VPS13C: variants seen among roughly 807,000 people sequenced by gnomAD.
VPS13C encodes the protein vacuolar protein sorting 13 homolog C.
Under a neutral mutation model 456.8 loss-of-function variants are expected in VPS13C, and 358 were observed. The ratio of observed to expected loss-of-function variants is 0.78; its 90% CI spans 0.72 to 0.86. VPS13C has a LOEUF of 0.86. Among genes scored for constraint, VPS13C ranks in the 40% least tolerant of loss-of-function variants. VPS13C has a pLI of 0.00. For synonymous variants in VPS13C, 1,578 were observed against 1,486.7 expected (o/e 1.06, Z -1.41); for missense variants, 4,818 against 4,385.4 (o/e 1.10, Z -2.79).
At chr15:62,013,216 C>T (rs920675209) in intron 10 of VPS13C, 97 bp from the exon 11 acceptor site, 7 of 743,620 alleles carry the variant, frequency 9.4e-6, no homozygotes, top group Middle Eastern at 3.3e-4. Flanking sequence ...CCAAAATTAC[C>T]CAAATGCCAT....
rs183456855 is a variant in VPS13C at position 62,041,149 on chromosome 15, G to A, written c.187+175C>T. Reference sequence around the variant, plus strand: ...CTACCTTTTGTCATAAAAAAAAGAAGTATGTACGTTTTATATATAATATAC... The same window carrying A: ...CTACCTTTTGTCATAAAAAAAAGAAATATGTACGTTTTATATATAATATAC... On this transcript the variant is annotated intron_variant, in intron 3 of 84. Transcript: ENST00000644861. 2.8e-3 allele frequency among the ~76,000 whole-genome samples: 426 copies of A among 152,198 alleles called. 1 individual carries two copies. Among genetic ancestry groups the A allele is most frequent in the Middle Eastern group, 0.01 (3 of 292 alleles).
rs200914868 is a variant in VPS13C at position 62,000,685 on chromosome 15, T to G, written c.1291-59A>C. On this transcript the variant is annotated intron_variant, in intron 15 of 84. Coordinates refer to ENST00000644861, the MANE Select transcript of VPS13C (RefSeq NM_020821.3). ...TTTAATCATTAGATAAAAGAAATTTTTCTTTCATGATTTCTAGGCATATCT... is the reference window on the plus strand; with the variant it reads ...TTTAATCATTAGATAAAAGAAATTTGTCTTTCATGATTTCTAGGCATATCT... The G allele has an allele frequency of 1.1e-4, 158 of 1,461,268 alleles. 2 individuals carry two copies. The East Asian group carries it at 3.8e-3, about 35-fold the overall frequency. 90.5% of individuals were successfully genotyped at this position (1,461,268 alleles called of 1,614,324 possible). A position where few individuals can be genotyped will look rare whatever the true frequency, so the allele number is the denominator to read the frequency against.
rs2045886460 is a variant in VPS13C, at chr15:61,981,497, A to G, written c.2030-19T>C. ...GTAAGTCCTAAAGACGTAAGAAATA[A>G]TGACAGATTAGATGGTCAAGTTGAA... On this transcript the variant is annotated intron_variant, in intron 21 of 84. Coordinates refer to ENST00000644861, the MANE Select transcript of VPS13C (RefSeq NM_020821.3). 1.3e-6 allele frequency: 2 copies of G among 1,563,280 alleles called. No homozygotes were observed. Among genetic ancestry groups the G allele is most frequent in the African/African-American group, 1.4e-5 (1 of 71,868 alleles).
intron 16 of VPS13C, among the ~76,000 whole-genome samples, chr15:61,996,160 G>A (rs1277575568): frequency 6.6e-6 from 1 of 152,172 alleles, no homozygotes; most frequent in African/African-American, 2.4e-5. Context: ...CTTCACATAT[G>A]TGAAACTAAC....
intron 66 of VPS13C, among the ~76,000 whole-genome samples, chr15:61,901,794 T>C (rs1288290441): frequency 1.3e-5 from 2 of 152,062 alleles, no homozygotes; most frequent in African/African-American, 4.8e-5. Flanking sequence ...ATCATGCTGC[T>C]ATAAAGACAC....
At chr15:61,869,768 T>A in intron 79 of VPS13C, 145 bp from the exon 80 acceptor site, 1 of 1,383,518 alleles carries the variant, frequency 7.2e-7, no homozygotes, top group Non-Finnish European at 9.7e-7. Context: ...AATGTAATCC[T>A]AATGTGATAA....
chr15:61,864,284 C>A, intron 81 of VPS13C: 8 of 826,044 alleles, frequency 9.7e-6, no homozygotes, highest in Non-Finnish European at 1.2e-5. Flanking sequence ...CAAATATGAG[C>A]ATAAAATAAT....
rs1390979217 is a variant in VPS13C, at chr15:61,929,665, A to G, written c.6122T>C (p.Ile2041Thr). 16 of 1,613,972 alleles carry G rather than the reference A, an allele frequency of 9.9e-6. No individual in the cohort carries two copies. Among genetic ancestry groups the G allele is most frequent in the African/African-American group, 4.0e-5 (3 of 74,908 alleles). The change falls in exon 51 of 85, where the codon ATT (isoleucine) becomes ACT (threonine). Residue 2041 changes from isoleucine to threonine, a missense_variant. Physicochemically the swap from Ile to Thr is moderately conservative, Grantham distance 89. Coordinates refer to ENST00000644861, the MANE Select transcript of VPS13C (RefSeq NM_020821.3). ...ATACAGCTTGTCAAGAACAGCATCA[A>G]TTTGACTTCCATTTTTGTCTTGTTT... ...SYKQDKNGSQ[I>T]DAVLDKLYVC...
Position 61,884,186 on chromosome 15 carries a change from T to C in VPS13C, c.9425A>G (p.Tyr3142Cys), listed in dbSNP as rs749029693. 74 of 1,610,256 alleles carry C rather than the reference T, an allele frequency of 4.6e-5. No homozygotes were observed. The highest frequency in any genetic ancestry group is 6.2e-5 in the Non-Finnish European group (73 of 1,178,610). Reference protein sequence around the residue: ...QKQIILLEQSYQKHQISRDHG... With the variant: ...QKQIILLEQSCQKHQISRDHG... ...GTCTCTTGATATTTGATGTTTCTGA[T>C]AGGATTGTTCCAATAAGATTATCTG... Residue 3142 changes from tyrosine to cysteine, a missense_variant, in exon 68 of 85, where the codon TAT (tyrosine) becomes TGT (cysteine). Physicochemically the swap from Tyr to Cys is radical, Grantham distance 194 (BLOSUM62 -2). This residue lies in a region of VPS13C where 4,552 missense variants were observed against 4,130.6 expected (regional missense o/e 1.10). Coordinates refer to ENST00000644861, the MANE Select transcript of VPS13C (RefSeq NM_020821.3).
At position 61,884,097 on chromosome 15, in the gene VPS13C, T is replaced by TA. The variant is rs745867799; in HGVS notation, c.9483+30dup. On this transcript the variant is annotated intron_variant, in intron 68 of 84. Coordinates refer to ENST00000644861, the MANE Select transcript of VPS13C (RefSeq NM_020821.3). Reference sequence around the variant, plus strand: ...TACCACCACCAAGAAAATACACATATAAAAATCAAAACAAAAGAATTTTGG... The same window carrying TA: ...TACCACCACCAAGAAAATACACATATAAAAAATCAAAACAAAAGAATTTTGG... The TA allele has an allele frequency of 4.5e-6, 7 of 1,565,200 alleles. No homozygotes were observed. The Middle Eastern group carries it at 9.3e-4, about 207-fold the overall frequency.
intron 24 of VPS13C, among the ~76,000 whole-genome samples, chr15:61,976,347 CTTAAA>C (rs913091082): frequency 2.6e-5 from 4 of 151,926 alleles, no homozygotes; most frequent in Non-Finnish European, 4.4e-5. Context: ...ATGAATGAAT[CTTAAA>C]TTAATTATGT....
In VPS13C at chr15:62,028,847, T is replaced by C. The variant is rs184327757; in HGVS notation, c.386-427A>G. ...GGGCTGAAATGACCTCATCTTACTT[T>C]AGTGTGATCTGGTCCCTTTACATAC... On this transcript the variant is annotated intron_variant, in intron 5 of 84. Coordinates refer to ENST00000644861, the MANE Select transcript of VPS13C (RefSeq NM_020821.3). Among the ~76,000 whole-genome samples the C allele has an allele frequency of 5.6e-4, 85 of 152,208 alleles. 1 individual carries two copies. Among genetic ancestry groups the C allele is most frequent in the African/African-American group, 2.0e-3 (83 of 41,542 alleles).
At chr15:61,923,381 C>G (rs987402881) in intron 53 of VPS13C, among the ~76,000 whole-genome samples, 1 of 152,142 alleles carries the variant, frequency 6.6e-6, no homozygotes, top group Non-Finnish European at 1.5e-5. Context: ...TGCCTTAGTT[C>G]TACACTGATG....
intron 15 of VPS13C, among the ~76,000 whole-genome samples, chr15:62,006,740 A>G (rs1455644959): frequency 1.3e-5 from 2 of 151,974 alleles, no homozygotes; most frequent in Admixed American, 6.6e-5. Context: ...AAGTGTTCCT[A>G]TTTCTCCACA....
intron 82 of VPS13C, 88 bp from the exon 83 acceptor site, chr15:61,856,497 T>C (rs1309145116): frequency 4.0e-6 from 6 of 1,487,408 alleles, no homozygotes; most frequent in African/African-American, 2.9e-5. Context: ...ATGGCAGAGG[T>C]AGCACTTGCT....
chr15:62,000,391 T>G (rs1003462955), intron 16 of VPS13C, among the ~76,000 whole-genome samples, 173 bp downstream of exon 16: 15 of 151,728 alleles, frequency 9.9e-5, no homozygotes, highest in Middle Eastern at 3.4e-3. Flanking sequence ...AAAAATAAGG[T>G]TTTTTTTCCC....
At chr15:61,952,524 T>C (rs899567910) in intron 38 of VPS13C, among the ~76,000 whole-genome samples, 1 of 152,148 alleles carries the variant, frequency 6.6e-6, no homozygotes, top group African/African-American at 2.4e-5. Flanking sequence ...TGTATGTGTG[T>C]TTGTGTGTGT....
At chr15:61,946,993 T>C (rs1448124237) in intron 43 of VPS13C, among the ~76,000 whole-genome samples, 200 bp downstream of exon 43, 5 of 152,098 alleles carry the variant, frequency 3.3e-5, no homozygotes, top group Admixed American at 6.5e-5. Flanking sequence ...TAATGCATAA[T>C]GCATAAGGAA....
chr15:61,911,797 T>C (rs768292524), intron 63 of VPS13C, 43 bp downstream of exon 63: 2 of 1,486,442 alleles, frequency 1.3e-6, no homozygotes, highest in South Asian at 2.9e-5. Flanking sequence ...TCAATATTTA[T>C]TTGTATATTT....
Sources: gnomAD v4.1 joint callset for allele counts (sites outside exome capture counted in the v4.1 genomes callset) on GRCh38, gnomAD v4.1.1 for gene constraint, gnomAD v4.1.1 regional missense constraint, MANE v1.5 for transcripts, NCBI Gene and HGNC (gene_info 2026-07-23, HGNC 2026-07-21) for gene names.